The following GLDC variants were observed in gnomAD, a reference collection of about 807,000 sequenced individuals.
The protein encoded by GLDC is glycine dehydrogenase (decarboxylating), mitochondrial.
GLDC carries 104 observed loss-of-function variants against 121.3 expected under a neutral mutation model. That is an observed-to-expected ratio of 0.86 (90% CI 0.73 to 1.01). GLDC has a LOEUF of 1.01. GLDC is among the 50% of genes least tolerant of loss of function. The pLI is 0.00. For missense variants in GLDC, 1,429 were observed against 1,306.6 expected, an observed-to-expected ratio of 1.09 and a Z score of -1.44; for synonymous variants, 546 against 480.6, an observed-to-expected ratio of 1.14 and a Z score of -1.78.
At chr9:6,572,979 A>G (rs1361016590) in intron 15 of GLDC, among the ~76,000 whole-genome samples, 1 of 152,104 alleles carries the variant, frequency 6.6e-6, no homozygotes, top group Non-Finnish European at 1.5e-5. Flanking sequence ...TCTCACCTCT[A>G]ATATCAAAGT....
rs543141260 is a variant in GLDC, at chr9:6,645,693, T to C, written c.-194A>G. On this transcript the variant is annotated 5_prime_UTR_variant, in exon 1 of 25. Transcript: ENST00000321612. ...GCTCAACCAAGACACTCGCGCAAAG[T>C]TGTGGCTCCACCCAAGGCACCTGCT... is the stretch of plus-strand genomic sequence containing the variant. The C allele has an allele frequency of 4.4e-5, 15 of 342,878 alleles. No individual in the cohort carries two copies. The East Asian group carries it at 7.2e-4, about 17-fold the overall frequency. The allele number at this position is 342,878 out of a possible 1,614,324, so 21.2% of individuals were successfully genotyped here.
At chr9:6,555,125 T>C (rs1051271591) in intron 18 of GLDC, among the ~76,000 whole-genome samples, 3 of 152,226 alleles carry the variant, frequency 2.0e-5, no homozygotes, top group Non-Finnish European at 4.4e-5. Flanking sequence ...AACCTCCATG[T>C]TGTTGAAATA....
At chr9:6,609,616 C>A (rs554185280) in intron 4 of GLDC, among the ~76,000 whole-genome samples, 1 of 152,058 alleles carries the variant, frequency 6.6e-6, no homozygotes, top group Admixed American at 6.6e-5. Context: ...CTTGAAACAC[C>A]CTCACCCCCA....
chr9:6,643,510 T>C (rs927513659), intron 2 of GLDC, among the ~76,000 whole-genome samples: 3 of 145,098 alleles, frequency 2.1e-5, no homozygotes, highest in Non-Finnish European at 3.0e-5. Flanking sequence ...ATCTCCATGA[T>C]TGAAAGTGAG....
At chr9:6,542,703 T>C (rs975611684) in intron 21 of GLDC, among the ~76,000 whole-genome samples, 3 of 144,556 alleles carry the variant, frequency 2.1e-5, no homozygotes, top group Non-Finnish European at 4.6e-5. Context: ...CTGGGCAGCA[T>C]AGTGAGAGCT....
intron 16 of GLDC, among the ~76,000 whole-genome samples, chr9:6,560,890 C>T (rs1353962418): frequency 6.6e-6 from 1 of 152,130 alleles, no homozygotes; most frequent in East Asian, 1.9e-4. Flanking sequence ...GGGCTGGGCC[C>T]TAAATATATT....
chr9:6,608,515 C>T (rs1057269373), intron 4 of GLDC, among the ~76,000 whole-genome samples: 2 of 149,882 alleles, frequency 1.3e-5, no homozygotes, highest in Middle Eastern at 3.6e-3. Flanking sequence ...CCGAGGCGGG[C>T]GGATCATGAG....
At position 6,593,132 on chromosome 9, in the gene GLDC, A is replaced by C. The variant is rs189036777; in HGVS notation, c.1262-142T>G. The C allele has an allele frequency of 2.5e-4, 194 of 773,562 alleles. No homozygotes were observed. The African/African-American group carries it at 2.9e-3, about 12-fold the overall frequency. The allele number at this position is 773,562 out of a possible 1,614,324, so 47.9% of individuals were successfully genotyped here. ...TGCTTTGGTGATTGCTTTTTAAAAA[A>C]CTAAACATGTTTATTATCATGCTGT... On this transcript the variant is annotated intron_variant, in intron 9 of 24. Transcript: ENST00000321612.
chr9:6,552,929 G>GCCC lies in GLDC; in HGVS notation c.2457+436_2457+438dup, dbSNP rs113523393. Reference sequence around the variant, plus strand: ...CTGCTATTTTTCATCTTCTCCTCTGGCCCCCCCCAAGAAATATATAGCAAA... The same window carrying GCCC: ...CTGCTATTTTTCATCTTCTCCTCTGGCCCCCCCCCCCAAGAAATATATAGCAAA... On this transcript the variant is annotated intron_variant, in intron 20 of 24. Coordinates refer to ENST00000321612, the MANE Select transcript of GLDC (RefSeq NM_000170.3). 7.8e-4 allele frequency among the ~76,000 whole-genome samples: 118 copies of GCCC among 151,052 alleles called. 1 individual carries two copies. Among genetic ancestry groups the GCCC allele is most frequent in the Middle Eastern group, 6.8e-3 (2 of 294 alleles).
intron 6 of GLDC, 110 bp downstream of exon 6, chr9:6,605,021 T>G (rs764802510): frequency 8.9e-7 from 1 of 1,125,894 alleles, no homozygotes; most frequent in Non-Finnish European, 1.4e-6. Context: ...CCATTCCATG[T>G]GATAATGGTA....
chr9:6,583,923 A>C (rs1472750174), intron 15 of GLDC, among the ~76,000 whole-genome samples: 1 of 152,220 alleles, frequency 6.6e-6, no homozygotes, highest in African/African-American at 2.4e-5. Context: ...AATTTGAGAA[A>C]ATCAAAAAGC....
chr9:6,574,649 T>A (rs1271989996), intron 15 of GLDC, among the ~76,000 whole-genome samples: 4 of 150,790 alleles, frequency 2.7e-5, no homozygotes, highest in Non-Finnish European at 5.9e-5. Context: ...GAAAGAGGAG[T>A]TCCTTCTCAC....
chr9:6,607,054 A>T (rs1366578886), intron 4 of GLDC, among the ~76,000 whole-genome samples: 2 of 151,972 alleles, frequency 1.3e-5, no homozygotes, highest in Non-Finnish European at 2.9e-5. Context: ...TAAGACGAGC[A>T]AAACTCTGTC....
At chr9:6,613,744 G>A (rs1337084712) in intron 3 of GLDC, among the ~76,000 whole-genome samples, 4 of 152,106 alleles carry the variant, frequency 2.6e-5, no homozygotes, top group Non-Finnish European at 5.9e-5. Context: ...CTTAGAAGTA[G>A]AATTCCAAAT....
intron 20 of GLDC, among the ~76,000 whole-genome samples, 193 bp from the exon 21 acceptor site, chr9:6,551,107 G>C (rs1371826958): frequency 6.6e-6 from 1 of 152,104 alleles, no homozygotes; most frequent in Non-Finnish European, 1.5e-5. Flanking sequence ...ATACATTTTT[G>C]TTTTCTTCTT....
rs1818919153 is a variant in GLDC, at chr9:6,614,128, C to G, written c.471-3772G>C. ...GGCTCCCAGAGCATAGTACCATGTT[C>G]CTCTCCAGAAAGAGCATATCTGTCT... On this transcript the variant is annotated intron_variant, in intron 3 of 24. Transcript: ENST00000321612. Among the ~76,000 whole-genome samples the G allele has an allele frequency of 2.6e-5, 4 of 152,100 alleles. No homozygotes were observed. In the South Asian group the frequency reaches 8.3e-4, roughly 32 times the overall value.
intron 15 of GLDC, among the ~76,000 whole-genome samples, chr9:6,583,470 T>C (rs1818209949): frequency 6.6e-6 from 1 of 151,790 alleles, no homozygotes; most frequent in African/African-American, 2.4e-5. Flanking sequence ...AGGTCAGGAG[T>C]TCCAGACCAG....
chr9:6,609,676 C>A (rs963178565), intron 4 of GLDC, among the ~76,000 whole-genome samples: 1 of 152,062 alleles, frequency 6.6e-6, no homozygotes, highest in Non-Finnish European at 1.5e-5. Context: ...CTTCCCCCTC[C>A]CCTGCTCCCG....
At chr9:6,623,253 T>C (rs1350910646) in intron 2 of GLDC, among the ~76,000 whole-genome samples, 3 of 140,506 alleles carry the variant, frequency 2.1e-5, no homozygotes, top group African/African-American at 5.6e-5. Flanking sequence ...GGGAGACTTT[T>C]CATTTTGTTC....
Sources: gnomAD v4.1 joint callset for allele counts (sites outside exome capture counted in the v4.1 genomes callset) on GRCh38, gnomAD v4.1.1 for gene constraint, MANE v1.5 for transcripts, NCBI Gene and HGNC (gene_info 2026-07-23, HGNC 2026-07-21) for gene names.